Variants in DHDDS observed in about 807,000 individuals in gnomAD.
The protein encoded by DHDDS is dehydrodolichyl diphosphate synthase subunit.
DHDDS carries 16 observed loss-of-function variants against 46.2 expected under a neutral mutation model. The ratio of observed to expected loss-of-function variants is 0.35; its 90% confidence interval spans 0.23 to 0.53. The LOEUF is 0.53. Among genes scored for constraint, DHDDS ranks in the 20% least tolerant of loss-of-function variants. The pLI, the probability that DHDDS is intolerant of heterozygous loss-of-function variation, is 0.94. For synonymous variants in DHDDS, 151 were observed against 163.1 expected (o/e 0.93, Z 0.56); for missense variants, 340 against 423.7 (o/e 0.80, Z 1.73).
chr1:26,465,412 G>A (rs2075474153), intron 8 of DHDDS, among the ~76,000 whole-genome samples: 1 of 152,156 alleles, frequency 6.6e-6, no homozygotes, highest in Non-Finnish European at 1.5e-5. Context: ...GGCTGGTCTT[G>A]AGCAGCTGGG....
chr1:26,434,956 C>T (rs913495919), intron 2 of DHDDS, among the ~76,000 whole-genome samples: 3 of 151,574 alleles, frequency 2.0e-5, no homozygotes, highest in South Asian at 2.1e-4. Context: ...CCACCACGTC[C>T]GGCCCCAAGT....
intron 3 of DHDDS, 93 bp downstream of exon 3, chr1:26,438,377 GTGTT>G: frequency 8.7e-7 from 1 of 1,142,970 alleles, no homozygotes; most frequent in Non-Finnish European, 1.3e-6. Context: ...TGGTTGGAGA[GTGTT>G]TTTTGTATCT....
intron 6 of DHDDS, among the ~76,000 whole-genome samples, chr1:26,450,197 C>G (rs2075306350): frequency 6.6e-6 from 1 of 152,178 alleles, no homozygotes; most frequent in Non-Finnish European, 1.5e-5. Flanking sequence ...ACACTGTCTC[C>G]TGGGCTGGAG....
chr1:26,448,432 A>G (rs1184009199), intron 6 of DHDDS: 2 of 152,746 alleles, frequency 1.3e-5, no homozygotes, highest in African/African-American at 4.8e-5. Context: ...CAGCCTCCCA[A>G]AGTGCTGGGA....
At chr1:26,468,138 A>G (rs779030531) in intron 8 of DHDDS, among the ~76,000 whole-genome samples, 1 of 152,258 alleles carries the variant, frequency 6.6e-6, no homozygotes, top group East Asian at 1.9e-4. Flanking sequence ...TCTAACAGAA[A>G]GAGTGGATTG....
intron 8 of DHDDS, among the ~76,000 whole-genome samples, chr1:26,464,027 C>G: frequency 8.9e-6 from 1 of 112,200 alleles, no homozygotes; most frequent in South Asian, 3.2e-4. Flanking sequence ...GAGACGGAAT[C>G]TCACTCTGTC....
At chr1:26,440,110 G>A (rs1473504023) in intron 3 of DHDDS, among the ~76,000 whole-genome samples, 4 of 152,192 alleles carry the variant, frequency 2.6e-5, no homozygotes, top group Non-Finnish European at 5.9e-5. Context: ...ACTGCACTCC[G>A]CCTGGGCAAC....
At chr1:26,435,048 C>T (rs1054915509) in intron 2 of DHDDS, among the ~76,000 whole-genome samples, 6 of 150,382 alleles carry the variant, frequency 4.0e-5, no homozygotes, top group Middle Eastern at 3.6e-3. Context: ...CTCACTCTGT[C>T]GCCCAGGCTG....
chr1:26,432,752 G>GT, intron 1 of DHDDS, 139 bp from the exon 2 acceptor site: 1 of 619,452 alleles, frequency 1.6e-6, no homozygotes, highest in Non-Finnish European at 2.9e-6. Context: ...ACTCTGGGTG[G>GT]TAAAAGATTA....
In DHDDS at chr1:26,446,226, A is replaced by C. The variant is rs2075266424; in HGVS notation, c.324-90A>C. The C allele has an allele frequency of 2.6e-6, 3 of 1,156,704 alleles. No homozygotes were observed. The South Asian group carries it at 3.9e-5, about 15-fold the overall frequency. The allele number at this position is 1,156,704 out of a possible 1,614,324, so 71.7% of individuals were successfully genotyped here. A position where few individuals can be genotyped will look rare whatever the true frequency, so the allele number is the denominator to read the frequency against. ...GGTCTGACACACAGGAAAGCACTCA[A>C]AAAACTGGTGGTCAGTTATTACCTG... On this transcript the variant is annotated intron_variant, in intron 4 of 8. Coordinates refer to ENST00000236342, the MANE Select transcript of DHDDS (RefSeq NM_205861.3).
rs1021359809 is a variant in DHDDS, at chr1:26,470,347, A to G, written c.*1216A>G. Reference sequence around the variant, plus strand: ...TTTTTTTTTTTGGAGACAGCATCTCACCCTGTCCTGGCTGGTCTCGAACTC... The same window carrying G: ...TTTTTTTTTTTGGAGACAGCATCTCGCCCTGTCCTGGCTGGTCTCGAACTC... On this transcript the variant is annotated 3_prime_UTR_variant, in exon 9 of 9. Coordinates refer to ENST00000236342, the MANE Select transcript of DHDDS (RefSeq NM_205861.3). The G allele has an allele frequency of 1.5e-5, 2 of 131,314 alleles. No individual in the cohort carries two copies. The highest frequency in any genetic ancestry group is 8.6e-5 in the Admixed American group (1 of 11,694). 8.1% of individuals were successfully genotyped at this position (131,314 alleles called of 1,614,324 possible).
At chr1:26,448,210 T>C (rs2075288156) in intron 6 of DHDDS, 1 of 154,752 alleles carries the variant, frequency 6.5e-6, no homozygotes, top group Non-Finnish European at 1.4e-5. Flanking sequence ...TTTTTTTTTT[T>C]TGGTGAGGCA....
Position 26,457,794 on chromosome 1 carries a change from T to C in DHDDS, c.546T>C (p.Asp182=), listed in dbSNP as rs1219994201. 1 of 1,608,574 alleles carries C rather than the reference T, an allele frequency of 6.2e-7. No homozygotes were observed. Among genetic ancestry groups the C allele is most frequent in the Non-Finnish European group, 8.5e-7 (1 of 1,175,094 alleles). ...TGTCTCTTCTTGCTCATCTTAGTGA[T>C]ATCTCTGAGTCTCTGCTTGATAAGT... ...GVEQGLLDPS[D]ISESLLDKCL... Residue 182 remains aspartate, a synonymous_variant, in exon 7 of 9, where the codon GAT becomes GAC. Transcript: ENST00000236342.
chr1:26,455,238 T>A, intron 6 of DHDDS: 1 of 651,640 alleles, frequency 1.5e-6, no homozygotes. Flanking sequence ...GGGCCCATTT[T>A]AAAGATAAGA....
intron 8 of DHDDS, among the ~76,000 whole-genome samples, chr1:26,468,418 A>G (rs528298859): frequency 5.3e-5 from 8 of 152,154 alleles, no homozygotes; most frequent in Non-Finnish European, 1.0e-4. Flanking sequence ...ATAGACAATA[A>G]CAACTTGTAA....
chr1:26,467,197 C>CT, intron 8 of DHDDS: 1 of 381,542 alleles, frequency 2.6e-6, no homozygotes, highest in Non-Finnish European at 5.6e-6. Flanking sequence ...TCGTGGCACT[C>CT]TGTGTGCATG....
intron 8 of DHDDS, among the ~76,000 whole-genome samples, chr1:26,465,033 T>C (rs1268701443): frequency 4.6e-5 from 7 of 152,086 alleles, no homozygotes; most frequent in Non-Finnish European, 8.8e-5. Flanking sequence ...TTGACTATGA[T>C]GCAGTAGGAC....
chr1:26,455,486 C>T (rs1051371757), intron 6 of DHDDS, among the ~76,000 whole-genome samples: 2 of 152,116 alleles, frequency 1.3e-5, no homozygotes, highest in Admixed American at 6.6e-5. Context: ...GTGGCTCACA[C>T]CTGTAATCCC....
rs1182419110 is a variant in DHDDS, at chr1:26,471,132, G to C, written c.*2001G>C. 1 of 152,218 alleles carries C rather than the reference G, an allele frequency of 6.6e-6. No individual in the cohort carries two copies. The highest frequency in any genetic ancestry group is 1.9e-4 in the East Asian group (1 of 5,200). 9.4% of individuals were successfully genotyped at this position (152,218 alleles called of 1,614,324 possible). On this transcript the variant is annotated 3_prime_UTR_variant, in exon 9 of 9. Transcript: ENST00000236342. ...GGGCTGCAAAATAGTAGAACTCGTG[G>C]TTGCTTTGGACAGGTGTGATTTGTG... is the stretch of plus-strand genomic sequence containing the variant.
Sources: gnomAD v4.1 joint callset for allele counts (sites outside exome capture counted in the v4.1 genomes callset) on GRCh38, gnomAD v4.1.1 for gene constraint, MANE v1.5 for transcripts, NCBI Gene and HGNC (gene_info 2026-07-23, HGNC 2026-07-21) for gene names.